DDX31: variants seen among roughly 807,000 people sequenced by gnomAD.
DDX31 encodes ATP-dependent DNA helicase DDX31.
In DDX31, 70 loss-of-function variants were observed where a neutral mutation model predicts 91.3. The observed-to-expected ratio is 0.77, with a 90% confidence interval of 0.63 to 0.94. DDX31 has a LOEUF of 0.94. Among genes scored for constraint, DDX31 ranks in the 40% least tolerant of loss-of-function variants. The probability of loss-of-function intolerance (pLI) is 0.00; values close to 1 mark genes in which losing one functional copy is unlikely to be tolerated. For missense variants in DDX31, 902 were observed against 925.0 expected (o/e 0.98, Z 0.32); for synonymous variants, 362 against 350.6 (o/e 1.03, Z -0.36).
chr9:132,632,104 A>G lies in DDX31; in HGVS notation c.1441-13T>C, dbSNP rs1437358553. 1 of 1,611,940 alleles carries G rather than the reference A, an allele frequency of 6.2e-7. No homozygotes were observed. Among genetic ancestry groups the G allele is most frequent in the South Asian group, 1.1e-5 (1 of 90,730 alleles). ...GAGCTGCAACATCCTTTAACAAAGA[A>G]AAGAATATGGTTTAACACTGAGTTT... On this transcript the variant is annotated splice_polypyrimidine_tract_variant and intron_variant, in intron 14 of 19. Coordinates refer to ENST00000372159, the MANE Select transcript of DDX31 (RefSeq NM_022779.9).
intron 17 of DDX31, among the ~76,000 whole-genome samples, chr9:132,619,840 C>T (rs1475808916): frequency 1.3e-5 from 2 of 148,964 alleles, no homozygotes; most frequent in Non-Finnish European, 3.0e-5. Flanking sequence ...GCCCTCCTTT[C>T]GTTAAGCCAC....
chr9:132,600,871 C>T (rs1209274354), intron 19 of DDX31, among the ~76,000 whole-genome samples: 2 of 152,172 alleles, frequency 1.3e-5, no homozygotes, highest in Non-Finnish European at 2.9e-5. Flanking sequence ...CTCCAAGCTT[C>T]GTTTCCCGGT....
intron 19 of DDX31, among the ~76,000 whole-genome samples, chr9:132,605,827 T>C (rs1393096331): frequency 6.6e-6 from 1 of 152,120 alleles, no homozygotes; most frequent in Non-Finnish European, 1.5e-5. Context: ...GGGTTTGTTG[T>C]GGCTTGCTCT....
intron 19 of DDX31, among the ~76,000 whole-genome samples, chr9:132,608,532 T>C (rs889803491): frequency 1.3e-5 from 2 of 152,150 alleles, no homozygotes; most frequent in Non-Finnish European, 2.9e-5. Flanking sequence ...CCCATTCTAA[T>C]ACCCGCCTGA....
At chr9:132,636,552 G>T (rs1436690047) in intron 14 of DDX31, among the ~76,000 whole-genome samples, 1 of 152,204 alleles carries the variant, frequency 6.6e-6, no homozygotes, top group South Asian at 2.1e-4. Flanking sequence ...GAAACTCACT[G>T]TGAGTCCAAA....
chr9:132,638,395 T>C, intron 14 of DDX31: 1 of 1,614,220 alleles, frequency 6.2e-7, no homozygotes, highest in Non-Finnish European at 8.5e-7. Context: ...ATTTTGCAGA[T>C]AATCCAGTGT....
At chr9:132,658,789 G>C (rs1322963884) in intron 5 of DDX31, 54 bp from the exon 6 acceptor site, 9 of 1,534,800 alleles carry the variant, frequency 5.9e-6, no homozygotes, top group Non-Finnish European at 8.0e-6. Flanking sequence ...AGATGTTTAA[G>C]AAAAGCAAAG....
rs780782677 is a variant in DDX31 at position 132,630,337 on chromosome 9, G to T, written c.1558C>A (p.His520Asn). 1.1e-5 allele frequency: 18 copies of T among 1,604,582 alleles called. No individual in the cohort carries two copies. Among genetic ancestry groups the T allele is most frequent in the Non-Finnish European group, 1.5e-5 (18 of 1,172,304 alleles). Residue 520 changes from histidine (H) to asparagine (N), a missense_variant, in exon 16 of 20, where the codon CAT (histidine) becomes AAT (asparagine). Physicochemically the swap from His to Asn is moderately conservative, Grantham distance 68. Transcript: ENST00000372159. ...RIGRTARIGC[H>N]GSSLLILAPS... ...GCCAAAATGAGCAGGCTGCTCCCAT[G>T]GCAGCCAATCCGGGCGGTTCTTCCA...
chr9:132,624,732 C>T (rs1439252025), intron 17 of DDX31, among the ~76,000 whole-genome samples: 2 of 152,180 alleles, frequency 1.3e-5, no homozygotes, highest in Admixed American at 6.5e-5. Flanking sequence ...AGGTTGGGAA[C>T]ACACACTTTG....
chr9:132,611,296 C>A (rs117962810), intron 19 of DDX31, among the ~76,000 whole-genome samples: 6 of 152,310 alleles, frequency 3.9e-5, no homozygotes, highest in Admixed American at 2.6e-4. Context: ...TTCAACGGAC[C>A]GTTCCCACAT....
intron 9 of DDX31, 127 bp from the exon 10 acceptor site, chr9:132,648,678 C>T (rs1833990247): frequency 1.8e-6 from 2 of 1,101,604 alleles, no homozygotes; most frequent in South Asian, 3.6e-5. Context: ...AGCCTGAAAT[C>T]ATGACAAAAC....
At chr9:132,616,585 A>C (rs1273028933) in intron 18 of DDX31, among the ~76,000 whole-genome samples, 1 of 152,176 alleles carries the variant, frequency 6.6e-6, no homozygotes, top group Non-Finnish European at 1.5e-5. Flanking sequence ...CAGCAGCACA[A>C]CACCTTGTTA....
At position 132,630,174 on chromosome 9, in the gene DDX31, C is replaced by T. The variant is rs560715391; in HGVS notation, c.1631+90G>A. On this transcript the variant is annotated intron_variant, in intron 16 of 19. Coordinates refer to ENST00000372159, the MANE Select transcript of DDX31 (RefSeq NM_022779.9). ...GGGATCACAAGGGTTAATGGCTCTT[C>T]GTCAGCTTACAAGGCCCATTCACTG... 137 of 1,410,190 alleles carry T rather than the reference C, an allele frequency of 9.7e-5. No homozygotes were observed. The African/African-American group carries it at 1.5e-3, about 15-fold the overall frequency. 87.4% of individuals were successfully genotyped at this position (1,410,190 alleles called of 1,614,324 possible).
chr9:132,630,012 G>A (rs1474022643), intron 16 of DDX31, among the ~76,000 whole-genome samples: 1 of 152,222 alleles, frequency 6.6e-6, no homozygotes, highest in Non-Finnish European at 1.5e-5. Flanking sequence ...CAGGAGAAAC[G>A]AAACGCAGCT....
Position 132,669,907 on chromosome 9 carries a change from C to G in DDX31, c.28G>C (p.Asp10His), listed in dbSNP as rs1277568364. Residue 10 changes from aspartate (D) to histidine (H), a missense_variant, in exon 1 of 20, where the codon GAC becomes CAC. Asp to His is a moderately conservative substitution (Grantham distance 81). Transcript: ENST00000372159. ...CGTCTGGAGAACGTCCTGGGGTTGTCGAAGAGCGAACCGTCGGCGGCTGCC... is the reference window on the plus strand; with the variant it reads ...CGTCTGGAGAACGTCCTGGGGTTGTGGAAGAGCGAACCGTCGGCGGCTGCC... Reference protein sequence around the residue: MAAADGSLFDNPRTFSRRPP... With the variant: MAAADGSLFHNPRTFSRRPP... 6.3e-7 allele frequency: 1 copy of G among 1,596,766 alleles called. No homozygotes were observed. Among genetic ancestry groups the G allele is most frequent in the East Asian group, 2.3e-5 (1 of 44,092 alleles).
intron 17 of DDX31, among the ~76,000 whole-genome samples, chr9:132,620,475 G>A (rs182249910): frequency 8.0e-4 from 119 of 149,224 alleles, no homozygotes; most frequent in African/African-American, 2.7e-3. Context: ...AGCGAAATAC[G>A]TAGGGAAAAA....
chr9:132,627,347 A>T (rs1401218125), intron 16 of DDX31, among the ~76,000 whole-genome samples: 1 of 152,146 alleles, frequency 6.6e-6, no homozygotes, highest in Non-Finnish European at 1.5e-5. Context: ...ACAGGAGCTG[A>T]GAGGGAACGG....
In DDX31 at chr9:132,623,155, T is replaced by G. The variant is rs564181589; in HGVS notation, c.1713+2509A>C. 1.3e-4 allele frequency among the ~76,000 whole-genome samples: 20 copies of G among 150,848 alleles called. No individual in the cohort carries two copies. The South Asian group carries it at 4.2e-3, about 32-fold the overall frequency. Reference sequence around the variant, plus strand: ...AAAAAAAAAAAAAGCCCTTTGGTCCTATGTTTTATACTTGGGACTCCAGGA... The same window carrying G: ...AAAAAAAAAAAAAGCCCTTTGGTCCGATGTTTTATACTTGGGACTCCAGGA... On this transcript the variant is annotated intron_variant, in intron 17 of 19. Coordinates refer to ENST00000372159, the MANE Select transcript of DDX31 (RefSeq NM_022779.9).
chr9:132,646,903 T>A lies in DDX31; in HGVS notation c.1123A>T (p.Ser375Cys). 6.2e-7 allele frequency: 1 copy of A among 1,614,152 alleles called. No homozygotes were observed. The change falls in exon 12 of 20, where the codon AGT (serine) becomes TGT (cysteine). Residue 375 changes from serine (S) to cysteine (C), a missense_variant. By Grantham distance (112) the Ser-to-Cys change is moderately radical. Coordinates refer to ENST00000372159, the MANE Select transcript of DDX31 (RefSeq NM_022779.9). ...DKLDSFAIPE[S>C]LKQHVTVVPS... ...ACCACAGTCACATGCTGCTTGAGAC[T>A]CTCTGGTATTGCAAAGCTGTCCAGC...
Sources: allele counts gnomAD v4.1 joint callset (sites outside exome capture counted in the v4.1 genomes callset), GRCh38; gene constraint gnomAD v4.1.1; transcripts MANE v1.5; gene names NCBI Gene and HGNC (gene_info 2026-07-23, HGNC 2026-07-21).